The following EBF3 variants were observed in gnomAD, a reference collection of about 807,000 sequenced individuals.
EBF3 encodes EBF transcription factor 3, also known as transcription factor COE3.
EBF3 carries 18 observed loss-of-function variants against 77.1 expected under a neutral mutation model. The observed-to-expected ratio is 0.23, with a 90% CI of 0.16 to 0.35. The LOEUF is 0.35. Among genes scored for constraint, EBF3 ranks in the 10% least tolerant of loss-of-function variants. EBF3 has a pLI of 1.00. For missense variants in EBF3, 558 were observed against 860.0 expected (o/e 0.65, Z 4.39); for synonymous variants, 350 against 343.5 (o/e 1.02, Z -0.21).
intron 6 of EBF3, among the ~76,000 whole-genome samples, chr10:129,881,487 G>A (rs1438020968): frequency 2.0e-5 from 3 of 152,292 alleles, no homozygotes; most frequent in Non-Finnish European, 4.4e-5. Flanking sequence ...CACGCCAGGC[G>A]CGGCTTTCCC....
Position 129,863,909 on chromosome 10 carries a change from G to A in EBF3, c.1039+3232C>T, listed in dbSNP as rs1851813381. On this transcript the variant is annotated intron_variant, in intron 10 of 16. Transcript: ENST00000440978. The surrounding 1 kb of genome is among the most constrained non-coding windows in gnomAD (Gnocchi z 4.0). ...GAGCCAATAGGTTAACCTCCAGCCA[G>A]GAAAGGCTGGGCTGTGGCAAGCATC... Among the ~76,000 whole-genome samples the A allele has an allele frequency of 6.6e-6, 1 of 152,228 alleles. No individual in the cohort carries two copies. Among genetic ancestry groups the A allele is most frequent in the East Asian group, 1.9e-4 (1 of 5,162 alleles).
rs1227915589 is a variant in EBF3 at position 129,863,225 on chromosome 10, G to C, written c.1039+3916C>G. Among the ~76,000 whole-genome samples, 1 of 152,144 alleles carries C rather than the reference G, an allele frequency of 6.6e-6. No homozygotes were observed. Among genetic ancestry groups the C allele is most frequent in the Non-Finnish European group, 1.5e-5 (1 of 68,040 alleles). ...TTCTTACAACAGGGTGAGGCACATG[G>C]GAATACAAAGAACCAGTATGGAAGC... On this transcript the variant is annotated intron_variant, in intron 10 of 16. Transcript: ENST00000440978. This position sits in a 1 kb window ranked among gnomAD's most constrained non-coding sequence, Gnocchi z 4.0.
intron 10 of EBF3, among the ~76,000 whole-genome samples, chr10:129,854,922 CA>C (rs1851144896): frequency 6.6e-6 from 1 of 152,222 alleles, no homozygotes; most frequent in South Asian, 2.1e-4. Context: ...CCCAGCCTGG[CA>C]GGAAGACGTC....
chr10:129,963,358 T>C lies in EBF3; in HGVS notation c.291+9A>G. 6.3e-7 allele frequency: 1 copy of C among 1,577,694 alleles called. No homozygotes were observed. Among genetic ancestry groups the C allele is most frequent in the Non-Finnish European group, 8.6e-7 (1 of 1,162,862 alleles). On this transcript the variant is annotated intron_variant, in intron 2 of 16. Coordinates refer to ENST00000440978, the MANE Select transcript of EBF3 (RefSeq NM_001375380.1). The surrounding 1 kb of genome is among the most constrained non-coding windows in gnomAD (Gnocchi z 7.1). ...AAGAGAGAGGGTGTGATCGTGTGTTTGCACTTACTTTCTCTTTCTCCACAA... is the reference window on the plus strand; with the variant it reads ...AAGAGAGAGGGTGTGATCGTGTGTTCGCACTTACTTTCTCTTTCTCCACAA...
intron 7 of EBF3, among the ~76,000 whole-genome samples, chr10:129,876,328 C>T (rs945551682): frequency 5.9e-5 from 9 of 152,234 alleles, no homozygotes; most frequent in African/African-American, 1.7e-4. Flanking sequence ...CTGTAACTGA[C>T]GCTGTGTTCA....
rs1852992947 is a variant in EBF3 at position 129,878,839 on chromosome 10, A to AAAG, written c.555-991_555-990insCTT. On this transcript the variant is annotated intron_variant, in intron 6 of 16. Coordinates refer to ENST00000440978, the MANE Select transcript of EBF3 (RefSeq NM_001375380.1). ...AATCGGTCTCAAAAAAAAAAAAAAA[A>AAAG]AAAAAAATCTAAGAACTGATTGGGA... Among the ~76,000 whole-genome samples, 3 of 146,836 alleles carry AAAG rather than the reference A, an allele frequency of 2.0e-5. 1 individual carries two copies. The highest frequency in any genetic ancestry group is 3.0e-5 in the Non-Finnish European group (2 of 66,230).
At chr10:129,921,914 C>T (rs909037466) in intron 6 of EBF3, among the ~76,000 whole-genome samples, 1 of 152,212 alleles carries the variant, frequency 6.6e-6, no homozygotes. Context: ...CAAGCCTGGC[C>T]CGCCCCCTGT....
chr10:129,866,119 T>C (rs1372994512), intron 10 of EBF3, among the ~76,000 whole-genome samples: 2 of 152,158 alleles, frequency 1.3e-5, no homozygotes, highest in African/African-American at 4.8e-5. Flanking sequence ...ATGCCTTAAG[T>C]TGAAGTGAGT....
In EBF3 at chr10:129,947,741, C is replaced by T. The variant is rs1331922813; in HGVS notation, c.554+9517G>A. Among the ~76,000 whole-genome samples the T allele has an allele frequency of 6.6e-6, 1 of 150,928 alleles. No individual in the cohort carries two copies. The highest frequency in any genetic ancestry group is 1.5e-5 in the Non-Finnish European group (1 of 67,884). The stretch of plus-strand genomic sequence containing the variant: ...CAAACTTCTGAAAGCCTGGTGAACC[C>T]CACTGATGACATCCAAACACCGAAA... On this transcript the variant is annotated intron_variant, in intron 6 of 16. Transcript: ENST00000440978. This position sits in a 1 kb window ranked among gnomAD's most constrained non-coding sequence, Gnocchi z 4.5.
At chr10:129,892,065 C>A (rs1343927925) in intron 6 of EBF3, among the ~76,000 whole-genome samples, 3 of 152,236 alleles carry the variant, frequency 2.0e-5, no homozygotes, top group Non-Finnish European at 2.9e-5. Flanking sequence ...GGACCCAGGG[C>A]TGGGACACTG....
intron 11 of EBF3, chr10:129,845,928 C>T (rs1056402629): frequency 1.1e-5 from 1 of 92,358 alleles, no homozygotes. Context: ...GTTTTTTCTG[C>T]TTTCATTTTT....
At chr10:129,865,890 C>T (rs1301862397) in intron 10 of EBF3, among the ~76,000 whole-genome samples, 2 of 152,164 alleles carry the variant, frequency 1.3e-5, no homozygotes, top group Admixed American at 6.5e-5. Flanking sequence ...AGTTGAAGCC[C>T]CATCCTCTAG....
At chr10:129,962,644 T>C (rs1214310970) in intron 3 of EBF3, among the ~76,000 whole-genome samples, 1 of 151,928 alleles carries the variant, frequency 6.6e-6, no homozygotes, top group Admixed American at 6.6e-5. Flanking sequence ...GTTTATGGAG[T>C]TACCCCCATC....
intron 6 of EBF3, among the ~76,000 whole-genome samples, chr10:129,956,272 T>C (rs1014349990): frequency 6.6e-6 from 1 of 152,212 alleles, no homozygotes; most frequent in Non-Finnish European, 1.5e-5. Flanking sequence ...AACTTTGTAA[T>C]GAAAGCTGCG....
chr10:129,952,345 T>C lies in EBF3; in HGVS notation c.554+4913A>G, dbSNP rs1003401430. Among the ~76,000 whole-genome samples, 1 of 152,252 alleles carries C rather than the reference T, an allele frequency of 6.6e-6. No individual in the cohort carries two copies. Among genetic ancestry groups the C allele is most frequent in the African/African-American group, 2.4e-5 (1 of 41,474 alleles). ...TAATAAACAGTCTCCGTTTTGCAGG[T>C]TATCCAAATGCTACTGAATAGAAAA... On this transcript the variant is annotated intron_variant, in intron 6 of 16. Transcript: ENST00000440978. The surrounding 1 kb of genome is among the most constrained non-coding windows in gnomAD (Gnocchi z 4.7).
At chr10:129,914,586 G>A (rs963870102) in intron 6 of EBF3, among the ~76,000 whole-genome samples, 2 of 152,170 alleles carry the variant, frequency 1.3e-5, no homozygotes, top group Non-Finnish European at 2.9e-5. Flanking sequence ...CTCCTCTGAG[G>A]GTAGGAAAGG....
chr10:129,886,776 C>T (rs767118813), intron 6 of EBF3, among the ~76,000 whole-genome samples: 12 of 152,050 alleles, frequency 7.9e-5, no homozygotes, highest in Non-Finnish European at 1.8e-4. Context: ...GAGTTAGCTC[C>T]ATCCTACCAG....
At chr10:129,877,954 C>T in intron 6 of EBF3, 105 bp from the exon 7 acceptor site, 1 of 842,146 alleles carries the variant, frequency 1.2e-6, no homozygotes, top group Non-Finnish European at 1.8e-6. Context: ...CTCAACCCCA[C>T]AGCTTCCACA....
chr10:129,943,330 GC>G lies in EBF3; in HGVS notation c.554+13927del, dbSNP rs760791977. Among the ~76,000 whole-genome samples, 78 of 152,240 alleles carry G rather than the reference GC, an allele frequency of 5.1e-4. No homozygotes were observed. The highest frequency in any genetic ancestry group is 9.1e-4 in the Non-Finnish European group (62 of 68,032). ...ACAGTTAAAGAAGCAAATTGGATTT[GC>G]CCTATCACAAAAAAAATTAATTCCA... is the stretch of plus-strand genomic sequence containing the variant. On this transcript the variant is annotated intron_variant, in intron 6 of 16. Coordinates refer to ENST00000440978, the MANE Select transcript of EBF3 (RefSeq NM_001375380.1). The surrounding 1 kb of genome is among the most constrained non-coding windows in gnomAD (Gnocchi z 8.8).
Sources: allele counts gnomAD v4.1 joint callset (sites outside exome capture counted in the v4.1 genomes callset), GRCh38; gene constraint gnomAD v4.1.1; non-coding constraint Gnocchi (gnomAD v3.1); transcripts MANE v1.5; gene names NCBI Gene and HGNC (gene_info 2026-07-23, HGNC 2026-07-21).